Variants in DAPK1 observed in about 807,000 individuals in gnomAD.
The protein encoded by DAPK1 is death associated protein kinase 1.
DAPK1 carries 56 observed loss-of-function variants against 144.9 expected under a neutral mutation model. The ratio of observed to expected loss-of-function variants is 0.39; its 90% CI spans 0.31 to 0.48. DAPK1 has a LOEUF of 0.48. DAPK1 is among the 20% of genes least tolerant of loss of function. The pLI is 0.95. For synonymous variants in DAPK1, 690 were observed against 749.0 expected, an observed-to-expected ratio of 0.92 and a Z score of 1.29; for missense variants, 1,454 against 1,875.4, an observed-to-expected ratio of 0.78 and a Z score of 4.15.
At chr9:87,696,288 C>T (rs182652256) in intron 21 of DAPK1, among the ~76,000 whole-genome samples, 1 of 152,240 alleles carries the variant, frequency 6.6e-6, no homozygotes, top group Admixed American at 6.5e-5. Flanking sequence ...TACATATATA[C>T]ACACACATAA....
At chr9:87,701,816 A>G (rs1475754213) in intron 24 of DAPK1, 2 of 465,702 alleles carry the variant, frequency 4.3e-6, no homozygotes, top group Non-Finnish European at 8.9e-6. Context: ...AATTCTCGGG[A>G]AACCCTTTCC....
At chr9:87,564,727 A>C (rs1206048854) in intron 2 of DAPK1, among the ~76,000 whole-genome samples, 5 of 152,194 alleles carry the variant, frequency 3.3e-5, no homozygotes, top group African/African-American at 1.2e-4. Context: ...ACCAGCTCCC[A>C]CAATAACTGC....
At chr9:87,639,573 G>T (rs1287589513) in intron 5 of DAPK1, 77 bp from the exon 6 acceptor site, 3 of 1,609,880 alleles carry the variant, frequency 1.9e-6, no homozygotes, top group Non-Finnish European at 2.5e-6. Flanking sequence ...CCTGCTACAT[G>T]TTCCTGGTTG....
intron 2 of DAPK1, among the ~76,000 whole-genome samples, chr9:87,556,448 T>C (rs1450655461): frequency 6.6e-6 from 1 of 152,254 alleles, no homozygotes; most frequent in Non-Finnish European, 1.5e-5. Context: ...TTTGCTGTCT[T>C]TGAATCATGG....
At chr9:87,505,750 G>A (rs1157635081) in intron 2 of DAPK1, among the ~76,000 whole-genome samples, 8 of 151,522 alleles carry the variant, frequency 5.3e-5, no homozygotes, top group Admixed American at 5.3e-4. Flanking sequence ...AGTGCAGTGG[G>A]GCGATCTTGG....
At chr9:87,567,522 C>CA (rs1378333401) in intron 2 of DAPK1, among the ~76,000 whole-genome samples, 33 of 152,148 alleles carry the variant, frequency 2.2e-4, no homozygotes, top group African/African-American at 8.0e-4. Flanking sequence ...ACCCCGCTCA[C>CA]AATTGGAGTT....
chr9:87,615,587 T>A (rs1429227456), intron 3 of DAPK1, among the ~76,000 whole-genome samples: 1 of 152,228 alleles, frequency 6.6e-6, no homozygotes, highest in Non-Finnish European at 1.5e-5. Flanking sequence ...TTCACTACTT[T>A]TAAGGCACTT....
intron 2 of DAPK1, among the ~76,000 whole-genome samples, chr9:87,595,684 G>A (rs1219377781): frequency 6.6e-6 from 1 of 152,230 alleles, no homozygotes; most frequent in Non-Finnish European, 1.5e-5. Context: ...TCTTCCAGGA[G>A]ACCTTGTCCT....
chr9:87,507,898 TGG>T (rs1824669661), intron 2 of DAPK1, among the ~76,000 whole-genome samples: 1 of 152,240 alleles, frequency 6.6e-6, no homozygotes, highest in Admixed American at 6.5e-5. Flanking sequence ...TGAGGCTGGC[TGG>T]CAAATATTTT....
intron 2 of DAPK1, among the ~76,000 whole-genome samples, chr9:87,508,593 C>T (rs1274779113): frequency 1.3e-5 from 2 of 152,096 alleles, no homozygotes; most frequent in Non-Finnish European, 2.9e-5. Context: ...CCGCCCACCT[C>T]GGCCTCCCAA....
chr9:87,528,513 C>T (rs751530828), intron 2 of DAPK1, among the ~76,000 whole-genome samples: 4 of 152,248 alleles, frequency 2.6e-5, no homozygotes, highest in African/African-American at 7.2e-5. Context: ...CCACCACGCC[C>T]GGCCTACCAT....
chr9:87,672,415 G>A (rs1393454434), intron 19 of DAPK1, among the ~76,000 whole-genome samples: 2 of 152,186 alleles, frequency 1.3e-5, no homozygotes, highest in Non-Finnish European at 2.9e-5. Flanking sequence ...AAATACCTGT[G>A]ATCTGCTTTT....
chr9:87,677,494 C>G (rs1054687411), intron 19 of DAPK1, among the ~76,000 whole-genome samples: 15 of 152,176 alleles, frequency 9.9e-5, no homozygotes, highest in Non-Finnish European at 1.5e-4. Flanking sequence ...GTGTCAAGAT[C>G]CACAGGCACA....
intron 3 of DAPK1, among the ~76,000 whole-genome samples, chr9:87,635,793 G>T (rs768111678): frequency 2.0e-5 from 3 of 152,142 alleles, no homozygotes; most frequent in Non-Finnish European, 2.9e-5. Context: ...CGGGTTTCAG[G>T]GTGAGCGCGT....
intron 18 of DAPK1, among the ~76,000 whole-genome samples, chr9:87,658,330 CA>C (rs1830705651): frequency 6.6e-6 from 1 of 152,242 alleles, no homozygotes; most frequent in South Asian, 2.1e-4. Flanking sequence ...GTCCTCTTCT[CA>C]TCTCACCACA....
intron 23 of DAPK1, 91 bp from the exon 24 acceptor site, chr9:87,700,026 C>T (rs1825406282): frequency 9.5e-7 from 1 of 1,049,050 alleles, no homozygotes; most frequent in South Asian, 1.4e-5. Context: ...TCCCTCCTAC[C>T]AGCCTCTTGA....
chr9:87,561,437 A>G (rs1483359721), intron 2 of DAPK1, among the ~76,000 whole-genome samples: 1 of 151,924 alleles, frequency 6.6e-6, no homozygotes, highest in Non-Finnish European at 1.5e-5. Context: ...GAGGCAGGAG[A>G]ATGGCGTGAA....
chr9:87,527,226 C>T (rs954685643), intron 2 of DAPK1, among the ~76,000 whole-genome samples: 4 of 152,170 alleles, frequency 2.6e-5, no homozygotes, highest in Admixed American at 2.6e-4. Flanking sequence ...TGCTTTTGCC[C>T]TTGACTTATG....
intron 3 of DAPK1, among the ~76,000 whole-genome samples, chr9:87,637,097 C>CT (rs35802277): frequency 0.11 from 16,824 of 151,368 alleles, 1,226 homozygotes; most frequent in East Asian, 0.29. Flanking sequence ...TAAATGTATT[C>CT]TTTTTTTTTG....
Sources: gnomAD v4.1 joint callset for allele counts (sites outside exome capture counted in the v4.1 genomes callset) on GRCh38, gnomAD v4.1.1 for gene constraint, MANE v1.5 for transcripts, NCBI Gene and HGNC (gene_info 2026-07-23, HGNC 2026-07-21) for gene names.